Variants in MCF2L2 observed in about 807,000 individuals in gnomAD.
MCF2L2 encodes MCF.2 cell line derived transforming sequence-like 2.
Under a neutral mutation model 150.2 loss-of-function variants are expected in MCF2L2, and 102 were observed. The ratio of observed to expected loss-of-function variants is 0.68; its 90% confidence interval spans 0.58 to 0.80. The LOEUF (loss-of-function observed/expected upper bound fraction) is 0.80, where lower values mean the gene tolerates loss of function less well. MCF2L2 is among the 30% of genes least tolerant of loss of function. The probability of loss-of-function intolerance (pLI) is 0.00; values close to 1 mark genes in which losing one functional copy is unlikely to be tolerated. For missense variants in MCF2L2, 1,256 were observed against 1,372.8 expected (o/e 0.91, Z 1.34); for synonymous variants, 465 against 491.3 (o/e 0.95, Z 0.71).
intron 3 of MCF2L2, among the ~76,000 whole-genome samples, chr3:183,355,262 C>G (rs1038951587): frequency 6.6e-6 from 1 of 151,988 alleles, no homozygotes; most frequent in Non-Finnish European, 1.5e-5. Context: ...AGAAAAGGAT[C>G]AGATCTTGTT....
intron 10 of MCF2L2, among the ~76,000 whole-genome samples, chr3:183,308,349 T>C (rs1729204335): frequency 6.6e-6 from 1 of 152,230 alleles, no homozygotes; most frequent in Non-Finnish European, 1.5e-5. Context: ...ATAGTATCTA[T>C]ATTCAGTAAA....
At chr3:183,371,465 CTTTTT>C (rs56835227) in intron 3 of MCF2L2, among the ~76,000 whole-genome samples, 80 of 126,030 alleles carry the variant, frequency 6.3e-4, no homozygotes, top group African/African-American at 1.8e-3. Flanking sequence ...TCTGAGAAGC[CTTTTT>C]TTTTTTTTTT....
At chr3:183,293,863 A>G (rs891812548) in intron 13 of MCF2L2, among the ~76,000 whole-genome samples, 12 of 150,820 alleles carry the variant, frequency 8.0e-5, no homozygotes, top group African/African-American at 2.9e-4. Flanking sequence ...CATTCATTAT[A>G]GGGTTAAAAA....
chr3:183,371,612 C>T (rs1289422156), intron 3 of MCF2L2, among the ~76,000 whole-genome samples: 1 of 150,788 alleles, frequency 6.6e-6, no homozygotes, highest in African/African-American at 2.5e-5. Flanking sequence ...GGATTACAGG[C>T]TTATGCCACC....
chr3:183,287,908 G>A (rs1341310964), intron 14 of MCF2L2: 4 of 152,166 alleles, frequency 2.6e-5, no homozygotes, highest in African/African-American at 7.2e-5. Flanking sequence ...CAGATACTTT[G>A]GGGATTGATG....
intron 7 of MCF2L2, among the ~76,000 whole-genome samples, chr3:183,314,408 A>G (rs1272372645): frequency 6.6e-6 from 1 of 152,232 alleles, no homozygotes; most frequent in Non-Finnish European, 1.5e-5. Flanking sequence ...AAGGGCCAAA[A>G]GAAAAGAGGT....
chr3:183,228,273 T>G, intron 18 of MCF2L2, 24 bp downstream of exon 18: 1 of 1,586,774 alleles, frequency 6.3e-7, no homozygotes, highest in South Asian at 1.1e-5. Context: ...TTAACATGAT[T>G]ATTTACTGGG....
chr3:183,188,907 G>C (rs970451376), intron 27 of MCF2L2, among the ~76,000 whole-genome samples: 1 of 152,146 alleles, frequency 6.6e-6, no homozygotes, highest in Non-Finnish European at 1.5e-5. Context: ...GGTGGAGGTT[G>C]CAGTGATCCC....
chr3:183,270,012 C>T lies in MCF2L2; in HGVS notation c.1862+6860G>A, dbSNP rs374730453. The stretch of plus-strand genomic sequence containing the variant: ...TCTTAAGCACACCTCAGCGGGGCCT[C>T]GCTACCAATACTTGATTAACCACAA... On this transcript the variant is annotated intron_variant, in intron 15 of 29. Transcript: ENST00000328913. This position sits in a 1 kb window ranked among gnomAD's most constrained non-coding sequence, Gnocchi z 4.5. 8 of 1,613,986 alleles carry T rather than the reference C, an allele frequency of 5.0e-6. No individual in the cohort carries two copies. Among genetic ancestry groups the T allele is most frequent in the Admixed American group, 3.3e-5 (2 of 59,994 alleles).
intron 15 of MCF2L2, among the ~76,000 whole-genome samples, chr3:183,238,586 C>T (rs1321058897): frequency 6.6e-6 from 1 of 151,224 alleles, no homozygotes; most frequent in East Asian, 2.0e-4. Flanking sequence ...AGCCACCTCG[C>T]CTGGCCAGTG....
Position 183,270,741 on chromosome 3 carries a change from A to G in MCF2L2, c.1862+6131T>C, listed in dbSNP as rs987923780. 2 of 1,613,702 alleles carry G rather than the reference A, an allele frequency of 1.2e-6. No individual in the cohort carries two copies. The highest frequency in any genetic ancestry group is 2.2e-5 in the East Asian group (1 of 44,906). ...GGGTAAAACTCCTTATCATCCCTGC[A>G]TCTATGAAAAAATGATGACATCTCA... On this transcript the variant is annotated intron_variant, in intron 15 of 29. Transcript: ENST00000328913. The surrounding 1 kb of genome is among the most constrained non-coding windows in gnomAD (Gnocchi z 4.5).
chr3:183,424,028 A>G (rs1055922039), intron 1 of MCF2L2, among the ~76,000 whole-genome samples: 1 of 152,176 alleles, frequency 6.6e-6, no homozygotes, highest in African/African-American at 2.4e-5. Context: ...ATGCATTCAT[A>G]GATAGTCCAT....
At chr3:183,396,662 T>C (rs1714481356) in intron 1 of MCF2L2, among the ~76,000 whole-genome samples, 1 of 152,202 alleles carries the variant, frequency 6.6e-6, no homozygotes, top group Non-Finnish European at 1.5e-5. Context: ...ATATTTATTA[T>C]TAATTCACAT....
At chr3:183,215,948 T>G in intron 22 of MCF2L2, 21 bp downstream of exon 22, 1 of 1,609,712 alleles carries the variant, frequency 6.2e-7, no homozygotes, top group Non-Finnish European at 8.5e-7. Flanking sequence ...TGAGATGCTC[T>G]AACACTACTA....
At chr3:183,310,337 C>A (rs1729307495) in intron 9 of MCF2L2, among the ~76,000 whole-genome samples, 2 of 152,042 alleles carry the variant, frequency 1.3e-5, no homozygotes, top group African/African-American at 4.8e-5. Flanking sequence ...CCCATCTCTA[C>A]CAAAAATACA....
chr3:183,407,849 G>C (rs573253877), intron 1 of MCF2L2, among the ~76,000 whole-genome samples: 2 of 152,312 alleles, frequency 1.3e-5, no homozygotes, highest in South Asian at 2.1e-4. Flanking sequence ...GAGAATGCAA[G>C]AGTTCATAAG....
Position 183,323,273 on chromosome 3 carries a change from A to G in MCF2L2, c.565T>C (p.Leu189=). 6.2e-7 allele frequency: 1 copy of G among 1,613,698 alleles called. No individual in the cohort carries two copies. The highest frequency in any genetic ancestry group is 1.1e-5 in the South Asian group (1 of 91,052). The part of the protein sequence containing the change: ...SQLTRELGGT[L]EYRHGQWVNH... The stretch of plus-strand genomic sequence containing the variant: ...ACCCACTGACCGTGGCGATATTCCA[A>G]AGTCCCCCCTAATTCCCGGGTCAGT... Residue 189 remains leucine, a synonymous_variant, in exon 6 of 30, where the codon TTG becomes CTG. Transcript: ENST00000328913.
chr3:183,225,871 A>T (rs976772682), intron 18 of MCF2L2: 2 of 152,240 alleles, frequency 1.3e-5, no homozygotes, highest in African/African-American at 4.8e-5. Context: ...ACATATTGGT[A>T]CTATTAGCCT....
At chr3:183,210,685 C>T (rs1722662065) in intron 22 of MCF2L2, among the ~76,000 whole-genome samples, 1 of 152,168 alleles carries the variant, frequency 6.6e-6, no homozygotes, top group Non-Finnish European at 1.5e-5. Context: ...TCTCTAATGA[C>T]TTGTGAAGAT....
Sources: gnomAD v4.1 joint callset for allele counts (sites outside exome capture counted in the v4.1 genomes callset) on GRCh38, gnomAD v4.1.1 for gene constraint, Gnocchi (gnomAD v3.1) non-coding constraint, MANE v1.5 for transcripts, NCBI Gene and HGNC (gene_info 2026-07-23, HGNC 2026-07-21) for gene names.